Variants in ZW10 observed in about 807,000 individuals in gnomAD.
ZW10 encodes centromere/kinetochore protein zw10 homolog.
ZW10 carries 53 observed loss-of-function variants against 87.8 expected under a neutral mutation model. The ratio of observed to expected loss-of-function variants is 0.60; its 90% confidence interval spans 0.48 to 0.76. The LOEUF is 0.76. Among genes scored for constraint, ZW10 ranks in the 30% least tolerant of loss-of-function variants. The probability of loss-of-function intolerance (pLI) is 0.00; values close to 1 mark genes in which losing one functional copy is unlikely to be tolerated. For missense variants in ZW10, 837 were observed against 923.0 expected (o/e 0.91, Z 1.21); for synonymous variants, 312 against 329.2 (o/e 0.95, Z 0.57).
At chr11:113,758,498 T>C in intron 6 of ZW10, 56 bp downstream of exon 6, 1 of 1,559,922 alleles carries the variant, frequency 6.4e-7, no homozygotes, top group Middle Eastern at 1.7e-4. Context: ...CTGTCTTCCC[T>C]TTAATACTGG....
At chr11:113,761,824 C>T (rs1186836246) in intron 2 of ZW10, among the ~76,000 whole-genome samples, 4 of 151,048 alleles carry the variant, frequency 2.6e-5, no homozygotes, top group Non-Finnish European at 5.9e-5. Context: ...TTACCAACCA[C>T]CCTATTGCTC....
chr11:113,767,466 T>C lies in ZW10; in HGVS notation c.240+1367A>G, dbSNP rs1209499332. Among the ~76,000 whole-genome samples, 8 of 152,090 alleles carry C rather than the reference T, an allele frequency of 5.3e-5. No homozygotes were observed. In the East Asian group the frequency reaches 1.5e-3, roughly 29 times the overall value. On this transcript the variant is annotated intron_variant, in intron 2 of 15. Transcript: ENST00000200135. ...CCACATCAACAAGTTCCAAATATCC[T>C]CTCTGAAATGTCACTAGGATCCATC... is the stretch of plus-strand genomic sequence containing the variant.
At chr11:113,766,628 C>T (rs1378907701) in intron 2 of ZW10, among the ~76,000 whole-genome samples, 18 of 125,128 alleles carry the variant, frequency 1.4e-4, no homozygotes, top group African/African-American at 4.7e-4. Context: ...GAGCCGAGAT[C>T]GTGCCATTGT....
At position 113,739,218 on chromosome 11, in the gene ZW10, C is replaced by G. The variant is rs760801501; in HGVS notation, c.1748G>C (p.Arg583Thr). 1 of 1,613,772 alleles carries G rather than the reference C, an allele frequency of 6.2e-7. No homozygotes were observed. The highest frequency in any genetic ancestry group is 1.1e-5 in the South Asian group (1 of 90,970). The change falls in exon 12 of 16, where the codon AGA (arginine) becomes ACA (threonine). Residue 583 changes from arginine (R) to threonine (T), a missense_variant. Coordinates refer to ENST00000200135, the MANE Select transcript of ZW10 (RefSeq NM_004724.4). ...TFVDLVPGFR[R>T]LGTECFLAQM... ...ACATTGAAAGTATCAGTTACCAAGT[C>G]TCCTGAAGCCAGGTACAAGATCCAC...
chr11:113,759,038 G>A (rs1361748256), intron 5 of ZW10, among the ~76,000 whole-genome samples: 2 of 152,100 alleles, frequency 1.3e-5, no homozygotes, highest in Non-Finnish European at 2.9e-5. Context: ...GGTCAGGCGT[G>A]GTAGCACGCA....
chr11:113,768,772 A>G (rs1953932214), intron 2 of ZW10, 61 bp downstream of exon 2: 1 of 1,580,188 alleles, frequency 6.3e-7, no homozygotes, highest in Admixed American at 1.7e-5. Flanking sequence ...AAGCTGTCTT[A>G]GCAATCAGGA....
Position 113,773,649 on chromosome 11 carries a change from T to G in ZW10, c.18A>C (p.Thr6=), listed in dbSNP as rs779352402. Residue 6 remains threonine (T), a synonymous_variant, in exon 1 of 16, where the codon ACA becomes ACC. Transcript: ENST00000200135. The part of the protein sequence containing the change: MASFV[T]EVLAHSGRLE... Reference sequence around the variant, plus strand: ...GCCTCCCGGAGTGTGCCAAAACTTCTGTCACGAACGAGGCCATGGCCAAGA... The same window carrying G: ...GCCTCCCGGAGTGTGCCAAAACTTCGGTCACGAACGAGGCCATGGCCAAGA... The G allele has an allele frequency of 6.2e-7, 1 of 1,613,456 alleles. No homozygotes were observed.
chr11:113,751,202 C>A, intron 7 of ZW10: 1 of 266,590 alleles, frequency 3.8e-6, no homozygotes, highest in African/African-American at 2.2e-5. Context: ...CAGATCAGAC[C>A]ATGCTGGCTT....
chr11:113,770,217 T>C (rs1953949792), intron 1 of ZW10, among the ~76,000 whole-genome samples: 1 of 150,782 alleles, frequency 6.6e-6, no homozygotes, highest in Non-Finnish European at 1.5e-5. Flanking sequence ...GCCTCCCAAG[T>C]AGCTGGGACT....
At position 113,734,905 on chromosome 11, in the gene ZW10, G is replaced by A. The variant is rs565420275; in HGVS notation, c.2220-1091C>T. On this transcript the variant is annotated intron_variant, in intron 15 of 15. Coordinates refer to ENST00000200135, the MANE Select transcript of ZW10 (RefSeq NM_004724.4). ...TTATACCAAGTTCAAAAAAAGGCAA[G>A]TCTAAACTTTATGTTATTTAGGATA... Among the ~76,000 whole-genome samples the A allele has an allele frequency of 2.6e-5, 4 of 152,114 alleles. No individual in the cohort carries two copies. The South Asian group carries it at 8.3e-4, about 32-fold the overall frequency.
intron 9 of ZW10, among the ~76,000 whole-genome samples, chr11:113,747,312 G>C (rs1013447825): frequency 2.0e-5 from 3 of 152,074 alleles, no homozygotes; most frequent in Non-Finnish European, 4.4e-5. Context: ...ATTTATACAA[G>C]GCTTTCATGT....
chr11:113,769,431 T>C (rs1388724009), intron 1 of ZW10, among the ~76,000 whole-genome samples: 2 of 152,226 alleles, frequency 1.3e-5, no homozygotes, highest in African/African-American at 2.4e-5. Flanking sequence ...ATAATCTGTA[T>C]ATCTCAATCA....
Position 113,760,582 on chromosome 11 carries a change from A to C in ZW10, c.351T>G (p.Thr117=). The stretch of plus-strand genomic sequence containing the variant: ...ATGCACAATTATATTCTTCAATAGC[A>C]GTGGAAAACTGAAAAGTTAAGTATA... ...SLLKQLQEFS[T]AIEEYNCALT... Residue 117 remains threonine (T), a synonymous_variant, in exon 4 of 16, where the codon ACT becomes ACG. Coordinates refer to ENST00000200135, the MANE Select transcript of ZW10 (RefSeq NM_004724.4). 1 of 1,610,882 alleles carries C rather than the reference A, an allele frequency of 6.2e-7. No homozygotes were observed. The highest frequency in any genetic ancestry group is 1.3e-5 in the African/African-American group (1 of 74,930).
Position 113,736,758 on chromosome 11 carries a change from G to T in ZW10, c.2081C>A (p.Pro694His). 1.2e-6 allele frequency: 2 copies of T among 1,614,048 alleles called. No homozygotes were observed. The highest frequency in any genetic ancestry group is 1.7e-6 in the Non-Finnish European group (2 of 1,180,020). ...SLCKTVMDEG[P>H]QVFAPLSEES... ...TTCAGATAAAGGTGCAAATACTTGG[G>T]GTCCTTCATCCATCACTGTTTTGCA... Residue 694 changes from proline to histidine, a missense_variant, in exon 15 of 16, where the codon CCC (proline) becomes CAC (histidine). Pro to His is a moderately conservative substitution (Grantham distance 77). Coordinates refer to ENST00000200135, the MANE Select transcript of ZW10 (RefSeq NM_004724.4).
At chr11:113,756,252 G>C (rs192762367) in intron 7 of ZW10, among the ~76,000 whole-genome samples, 9 of 152,230 alleles carry the variant, frequency 5.9e-5, no homozygotes, top group African/African-American at 1.7e-4. Flanking sequence ...CAAGATAAGA[G>C]AGGCTTCAGG....
chr11:113,757,794 C>CA lies in ZW10; in HGVS notation c.792dup (p.Val265CysfsTer7). On this transcript the variant is annotated frameshift_variant, in exon 7 of 16. Coordinates refer to ENST00000200135, the MANE Select transcript of ZW10 (RefSeq NM_004724.4). LOFTEE classifies it high-confidence loss of function. ...ACTATGTTAGGCTGGCTTTCTATCA[C>CA]AGCATGAAGGGATGGGCAAGATGCC... 1 of 1,613,592 alleles carries CA rather than the reference C, an allele frequency of 6.2e-7. No homozygotes were observed. The highest frequency in any genetic ancestry group is 1.3e-5 in the African/African-American group (1 of 75,012).
chr11:113,756,742 G>T (rs1206934302), intron 7 of ZW10, among the ~76,000 whole-genome samples: 1 of 152,122 alleles, frequency 6.6e-6, no homozygotes, highest in African/African-American at 2.4e-5. Flanking sequence ...GAGATATTTG[G>T]ACCAAATCAT....
chr11:113,737,789 T>C (rs1014695687), intron 13 of ZW10, 86 bp from the exon 14 acceptor site: 39 of 1,455,456 alleles, frequency 2.7e-5, no homozygotes, highest in Admixed American at 2.1e-4. Flanking sequence ...TGTGAGTTCA[T>C]TGGGAAAGTG....
chr11:113,758,710 A>AG lies in ZW10; in HGVS notation c.581-5dup. 1 of 1,613,622 alleles carries AG rather than the reference A, an allele frequency of 6.2e-7. No homozygotes were observed. The highest frequency in any genetic ancestry group is 8.5e-7 in the Non-Finnish European group (1 of 1,179,770). ...TAAGATTCCAAACTGCTGGTATCTA[A>AG]GAAAAAGGAAGAAAAATATCAGCTG... On this transcript the variant is annotated splice_polypyrimidine_tract_variant and splice_region_variant and intron_variant, in intron 5 of 15. Transcript: ENST00000200135.
Sources: allele counts gnomAD v4.1 joint callset (sites outside exome capture counted in the v4.1 genomes callset), GRCh38; gene constraint gnomAD v4.1.1; transcripts MANE v1.5; gene names NCBI Gene and HGNC (gene_info 2026-07-23, HGNC 2026-07-21).